Variants in PIGG observed in about 807,000 individuals in gnomAD.
The protein encoded by PIGG is GPI ethanolamine phosphate transferase 2, catalytic subunit.
PIGG carries 70 observed loss-of-function variants against 83.2 expected under a neutral mutation model. The ratio of observed to expected loss-of-function variants is 0.84; its 90% CI spans 0.69 to 1.03. PIGG has a LOEUF of 1.03. Ranked by LOEUF, PIGG falls within the 50% of genes least tolerant of loss-of-function variation. PIGG has a pLI of 0.00. For synonymous variants in PIGG, 532 were observed against 519.5 expected, an observed-to-expected ratio of 1.02 and a Z score of -0.33; for missense variants, 1,257 against 1,233.6, an observed-to-expected ratio of 1.02 and a Z score of -0.28.
In PIGG at chr4:505,762, G is replaced by T. The variant is rs782043045; in HGVS notation, c.405G>T (p.Arg135Ser). The T allele has an allele frequency of 6.8e-6, 11 of 1,613,518 alleles. No individual in the cohort carries two copies. The highest frequency in any genetic ancestry group is 9.3e-6 in the Non-Finnish European group (11 of 1,179,942). ...GSLPGFVDVI[R>S]NLNSPALLED... ...TTCCTGGCTTTGTCGACGTCATCAG[G>T]AACCTCAATTCTCCTGCACTGCTGG... Residue 135 changes from arginine to serine, a missense_variant, in exon 3 of 13, where the codon AGG becomes AGT. By Grantham distance (110) the Arg-to-Ser change is moderately radical (BLOSUM62 -1). Transcript: ENST00000453061.
At chr4:538,859 T>A (rs1480778025) in intron 12 of PIGG, among the ~76,000 whole-genome samples, 1 of 152,150 alleles carries the variant, frequency 6.6e-6, no homozygotes. Context: ...TCTGTTTGCT[T>A]CATTTTTCTT....
chr4:533,571 G>C (rs1729607632), intron 11 of PIGG: 1 of 542,194 alleles, frequency 1.8e-6, no homozygotes, highest in Admixed American at 3.1e-5. Context: ...CTTCTGCACG[G>C]TCCGCTCACG....
At chr4:530,118 C>G (rs1462751086) in intron 10 of PIGG, among the ~76,000 whole-genome samples, 1 of 152,132 alleles carries the variant, frequency 6.6e-6, no homozygotes, top group Non-Finnish European at 1.5e-5. Context: ...GCAGGCGGGC[C>G]ACGAGGGCAC....
At chr4:526,997 CTGTT>C (rs756860408) in intron 9 of PIGG, 38 bp from the exon 10 acceptor site, 54 of 1,612,354 alleles carry the variant, frequency 3.3e-5, no homozygotes, top group Non-Finnish European at 4.5e-5. Context: ...GATCTTGTCG[CTGTT>C]TGTTTACGTA....
chr4:524,272 G>GCC (rs1453161262), intron 9 of PIGG, among the ~76,000 whole-genome samples: 1 of 152,138 alleles, frequency 6.6e-6, no homozygotes, highest in Non-Finnish European at 1.5e-5. Flanking sequence ...TGGGCTGTGT[G>GCC]CCCCCCGCCC....
At chr4:527,532 G>T in intron 10 of PIGG, 1 of 1,117,756 alleles carries the variant, frequency 8.9e-7, no homozygotes, top group Non-Finnish European at 1.1e-6. Flanking sequence ...GGTGTGTGAT[G>T]GGACAGACAG....
Position 528,255 on chromosome 4 carries a change from A to C in PIGG, c.2261+1025A>C, listed in dbSNP as rs1247404096. ...TTTTTTTTTCATACTTATATGAAAG[A>C]CTACATACTTAAAATACTGGTGATT... On this transcript the variant is annotated intron_variant, in intron 10 of 12. Transcript: ENST00000453061. The surrounding 1 kb of genome is among the most constrained non-coding windows in gnomAD (Gnocchi z 4.8). 1.9e-5 allele frequency: 19 copies of C among 983,948 alleles called. No individual in the cohort carries two copies. The highest frequency in any genetic ancestry group is 7.0e-5 in the African/African-American group (4 of 57,192). 61.0% of individuals were successfully genotyped at this position (983,948 alleles called of 1,614,324 possible).
At position 512,783 on chromosome 4, in the gene PIGG, C is replaced by G. The variant is rs1018522313; in HGVS notation, c.902-3190C>G. Among the ~76,000 whole-genome samples, 8 of 151,988 alleles carry G rather than the reference C, an allele frequency of 5.3e-5. No homozygotes were observed. In the East Asian group the frequency reaches 1.6e-3, roughly 30 times the overall value. On this transcript the variant is annotated intron_variant, in intron 5 of 12. Coordinates refer to ENST00000453061, the MANE Select transcript of PIGG (RefSeq NM_001127178.3). ...TGAGCCGAGATCGCACCACTGCACT[C>G]CAGCTTGGCGACGGAGTGAGACTCC...
Position 499,470 on chromosome 4 carries a change from A to C in PIGG, c.135A>C (p.Pro45=), listed in dbSNP as rs1553874215. ...SARAEHGAEP[P]APEPSAGASS... is the part of the protein sequence containing the mutation. ...GAGCGGAACACGGAGCGGAGCCCCC[A>C]GCGCCCGAACCCTCGGCTGGTACGG... is the stretch of plus-strand genomic sequence containing the variant. Residue 45 remains proline, a synonymous_variant, in exon 1 of 13, where the codon CCA becomes CCC. Transcript: ENST00000453061. 6.2e-7 allele frequency: 1 copy of C among 1,600,126 alleles called. No individual in the cohort carries two copies.
chr4:522,247 C>T lies in PIGG; in HGVS notation c.1614+306C>T, dbSNP rs1005403257. The T allele has an allele frequency of 6.9e-6, 4 of 580,054 alleles. No individual in the cohort carries two copies. In the Admixed American group the frequency reaches 1.2e-4, roughly 17 times the overall value. 35.9% of individuals were successfully genotyped at this position (580,054 alleles called of 1,614,324 possible). On this transcript the variant is annotated intron_variant, in intron 8 of 12. Coordinates refer to ENST00000453061, the MANE Select transcript of PIGG (RefSeq NM_001127178.3). ...AGCTGGCGGTCACAGAGGAACAAGC[C>T]CCCCCGCTGAGGGGGTGTGTGAATC...
At chr4:521,328 C>A in intron 7 of PIGG, 55 bp downstream of exon 7, 4 of 1,144,554 alleles carry the variant, frequency 3.5e-6, no homozygotes, top group South Asian at 1.4e-5. Flanking sequence ...GATAACTCAG[C>A]CAAATATTTA....
Position 523,764 on chromosome 4 carries a change from C to G in PIGG, c.1920C>G (p.Pro640=). The change falls in exon 9 of 13, where the codon CCC becomes CCG. Residue 640 remains proline (P), a synonymous_variant. Transcript: ENST00000453061. ...VLERDKGHGS[P]STSEVLRGRE... ...AGCGAGACAAAGGCCACGGAAGCCC[C>G]TCTACCTCCGAAGTGCTCAGAGGCC... 5.0e-6 allele frequency: 8 copies of G among 1,614,034 alleles called. No individual in the cohort carries two copies. The highest frequency in any genetic ancestry group is 6.8e-6 in the Non-Finnish European group (8 of 1,180,042).
Position 523,922 on chromosome 4 carries a change from G to A in PIGG, c.2069+9G>A, listed in dbSNP as rs149305291. 2.3e-5 allele frequency: 34 copies of A among 1,487,552 alleles called. No individual in the cohort carries two copies. Among genetic ancestry groups the A allele is most frequent in the South Asian group, 2.0e-4 (15 of 76,766 alleles). The allele number at this position is 1,487,552 out of a possible 1,614,324, so 92.1% of individuals were successfully genotyped here. A position where few individuals can be genotyped will look rare whatever the true frequency, so the allele number is the denominator to read the frequency against. ...GGCCACTGGCTCACCAGGTGAGAGC[G>A]TAGGCCCGTGGCCACAGGCCAGACT... On this transcript the variant is annotated intron_variant, in intron 9 of 12. Transcript: ENST00000453061.
At chr4:508,723 G>C (rs1553881332) in intron 4 of PIGG, 106 bp from the exon 5 acceptor site, 1 of 951,650 alleles carries the variant, frequency 1.1e-6, no homozygotes. Flanking sequence ...CATTGAGAAA[G>C]AGCTACAACT....
intron 10 of PIGG, among the ~76,000 whole-genome samples, chr4:529,532 T>G (rs1728516566): frequency 6.6e-6 from 1 of 151,694 alleles, no homozygotes; most frequent in Admixed American, 6.5e-5. Flanking sequence ...ATATTAAAAA[T>G]TACGATTATT....
Position 499,301 on chromosome 4 carries a change from G to T in PIGG, c.-35G>T. The T allele has an allele frequency of 1.9e-6, 3 of 1,597,584 alleles. No individual in the cohort carries two copies. Among genetic ancestry groups the T allele is most frequent in the Non-Finnish European group, 2.5e-6 (3 of 1,177,372 alleles). ...GCTGCAGCAGGGCGAGGCTCCAGGT[G>T]GGGTCGGTTCCGCATCCAGCCTAGC... On this transcript the variant is annotated 5_prime_UTR_variant, in exon 1 of 13. Transcript: ENST00000453061.
chr4:530,899 T>G (rs1728896391), intron 11 of PIGG, 154 bp downstream of exon 11: 1 of 621,888 alleles, frequency 1.6e-6, no homozygotes, highest in Admixed American at 3.0e-5. Context: ...TAAGACAAAG[T>G]ACAGCCGGTT....
In PIGG at chr4:523,522, G is replaced by A. The variant is rs976311847; in HGVS notation, c.1678G>A (p.Gly560Ser). 2 of 1,614,040 alleles carry A rather than the reference G, an allele frequency of 1.2e-6. No individual in the cohort carries two copies. The highest frequency in any genetic ancestry group is 1.7e-6 in the Non-Finnish European group (2 of 1,180,030). Residue 560 changes from glycine to serine, a missense_variant, in exon 9 of 13, where the codon GGC becomes AGC. Coordinates refer to ENST00000453061, the MANE Select transcript of PIGG (RefSeq NM_001127178.3). ...CCTTCTTATTCTGTTGGGGACGGCG[G>A]GCCACGTCTTGAGCCTGGGCGCCAG... ...LDLLILLGTA[G>S]HVLSLGASSF...
In PIGG at chr4:516,602, A is replaced by C. The variant is rs577136873; in HGVS notation, c.1114+417A>C. On this transcript the variant is annotated intron_variant, in intron 6 of 12. Coordinates refer to ENST00000453061, the MANE Select transcript of PIGG (RefSeq NM_001127178.3). ...GCTGGGTGCGGTGGCTCACGCCTGTAATCCCAGCACTTTGGGAGGCCAAGG... is the reference window on the plus strand; with the variant it reads ...GCTGGGTGCGGTGGCTCACGCCTGTCATCCCAGCACTTTGGGAGGCCAAGG... Among the ~76,000 whole-genome samples the C allele has an allele frequency of 7.2e-5, 11 of 152,298 alleles. No individual in the cohort carries two copies. In the South Asian group the frequency reaches 2.1e-3, roughly 29 times the overall value.
Sources: gnomAD v4.1 joint callset for allele counts (sites outside exome capture counted in the v4.1 genomes callset) on GRCh38, gnomAD v4.1.1 for gene constraint, Gnocchi (gnomAD v3.1) non-coding constraint, MANE v1.5 for transcripts, NCBI Gene and HGNC (gene_info 2026-07-23, HGNC 2026-07-21) for gene names.